Variants in VIPAS39 observed in about 807,000 individuals in gnomAD.
VIPAS39 encodes the protein spermatogenesis-defective protein 39 homolog.
In VIPAS39, 63 loss-of-function variants were observed where a neutral mutation model predicts 84.7. The observed-to-expected ratio is 0.74, with a 90% CI of 0.61 to 0.92. VIPAS39 has a LOEUF of 0.92. Among genes scored for constraint, VIPAS39 ranks in the 40% least tolerant of loss-of-function variants. The pLI is 0.00. For synonymous variants in VIPAS39, 192 were observed against 216.5 expected (o/e 0.89, Z 0.99); for missense variants, 499 against 604.5 (o/e 0.83, Z 1.83).
Position 77,433,950 on chromosome 14 carries a change from G to A in VIPAS39, c.1090-19C>T. 1 of 1,612,308 alleles carries A rather than the reference G, an allele frequency of 6.2e-7. No homozygotes were observed. The highest frequency in any genetic ancestry group is 8.5e-7 in the Non-Finnish European group (1 of 1,178,590). ...CTGGGATCTGGAAAGCAGAGACCGA[G>A]AAAAATTAAGGGGAAGTAGAAATAC... On this transcript the variant is annotated intron_variant, in intron 15 of 19. Transcript: ENST00000557658.
intron 13 of VIPAS39, 37 bp downstream of exon 13, chr14:77,435,807 G>A: frequency 6.2e-7 from 1 of 1,605,748 alleles, no homozygotes; most frequent in Non-Finnish European, 8.5e-7. Context: ...CTGAGCCTTG[G>A]CACTGAAGCA....
At chr14:77,435,753 G>A in intron 13 of VIPAS39, 91 bp downstream of exon 13, 2 of 1,371,918 alleles carry the variant, frequency 1.5e-6, no homozygotes, top group South Asian at 2.3e-5. Flanking sequence ...AGTAAGAAAT[G>A]ACCCACGTGC....
At chr14:77,444,924 T>C (rs114105510) in intron 7 of VIPAS39, among the ~76,000 whole-genome samples, 331 of 150,354 alleles carry the variant, frequency 2.2e-3, no homozygotes, top group African/African-American at 7.7e-3. Context: ...ATAATTTGCA[T>C]ACAGTAAAAC....
At chr14:77,447,046 CTTT>C (rs34819838) in intron 7 of VIPAS39, among the ~76,000 whole-genome samples, 2 of 143,368 alleles carry the variant, frequency 1.4e-5, no homozygotes, top group African/African-American at 5.1e-5. Context: ...CCACACCTGG[CTTT>C]TTTTTTTTTA....
At chr14:77,457,283 A>G in intron 1 of VIPAS39, 1 of 1,535,650 alleles carries the variant, frequency 6.5e-7, no homozygotes, top group Middle Eastern at 1.7e-4. Flanking sequence ...GTTCTGAACC[A>G]AATGTCCGCT....
chr14:77,434,748 A>G (rs1566724736), intron 14 of VIPAS39, among the ~76,000 whole-genome samples: 2 of 151,646 alleles, frequency 1.3e-5, no homozygotes, highest in African/African-American at 2.4e-5. Flanking sequence ...AAAAAAAAAA[A>G]ATTAGCGGGG....
At chr14:77,433,762 A>C in intron 16 of VIPAS39, 80 bp downstream of exon 16, 3 of 1,412,810 alleles carry the variant, frequency 2.1e-6, no homozygotes, top group Non-Finnish European at 2.9e-6. Flanking sequence ...GGAAAAATGT[A>C]AACCGGTAAC....
intron 1 of VIPAS39, among the ~76,000 whole-genome samples, chr14:77,456,006 G>A (rs2078954784): frequency 6.6e-6 from 1 of 152,150 alleles, no homozygotes; most frequent in Non-Finnish European, 1.5e-5. Context: ...TGAGCAAAGT[G>A]GATAAATGAC....
At chr14:77,435,513 C>A in intron 13 of VIPAS39, 120 bp from the exon 14 acceptor site, 1 of 1,387,546 alleles carries the variant, frequency 7.2e-7, no homozygotes. Context: ...AAACAAAGAA[C>A]AGAAAAAGAA....
intron 11 of VIPAS39, among the ~76,000 whole-genome samples, chr14:77,438,449 G>A (rs1247232589): frequency 6.6e-6 from 1 of 152,148 alleles, no homozygotes; most frequent in Admixed American, 6.6e-5. Flanking sequence ...GGCTGGTCTC[G>A]AACTCCAGAC....
At position 77,427,339 on chromosome 14, in the gene VIPAS39, C is replaced by A. The variant is rs974693586; in HGVS notation, c.*277G>T. 6 of 514,960 alleles carry A rather than the reference C, an allele frequency of 1.2e-5. No homozygotes were observed. Among genetic ancestry groups the A allele is most frequent in the African/African-American group, 1.9e-5 (1 of 52,090 alleles). 31.9% of individuals were successfully genotyped at this position (514,960 alleles called of 1,614,324 possible). On this transcript the variant is annotated 3_prime_UTR_variant, in exon 20 of 20. Coordinates refer to ENST00000557658, the MANE Select transcript of VIPAS39 (RefSeq NM_001193315.2). ...TTTCTCAGACCAAGTGAGATCTTAC[C>A]CAGTAGGGGCCCAATCTAGAAATCA...
chr14:77,457,296 C>T, intron 1 of VIPAS39, 199 bp downstream of exon 1: 2 of 1,535,670 alleles, frequency 1.3e-6, no homozygotes, highest in South Asian at 1.2e-5. Context: ...TGTCCGCTTC[C>T]GAACCAATCG....
intron 12 of VIPAS39, among the ~76,000 whole-genome samples, chr14:77,437,193 C>G (rs556810133): frequency 6.6e-6 from 1 of 152,174 alleles, no homozygotes; most frequent in African/African-American, 2.4e-5. Flanking sequence ...GTAGACTCTA[C>G]ACCTGTCTTG....
intron 14 of VIPAS39, among the ~76,000 whole-genome samples, chr14:77,434,878 G>A (rs961894574): frequency 2.0e-5 from 3 of 150,696 alleles, no homozygotes; most frequent in Admixed American, 2.0e-4. Context: ...CAGCCTGGGC[G>A]ACAGAGCAAG....
intron 14 of VIPAS39, among the ~76,000 whole-genome samples, chr14:77,434,565 C>T (rs1463851178): frequency 6.6e-6 from 1 of 152,058 alleles, no homozygotes; most frequent in Non-Finnish European, 1.5e-5. Flanking sequence ...TGCCTGTTAT[C>T]ATGGAATCCA....
At chr14:77,446,460 C>T (rs2078791790) in intron 7 of VIPAS39, among the ~76,000 whole-genome samples, 2 of 152,148 alleles carry the variant, frequency 1.3e-5, no homozygotes. Context: ...CAAGCCACCA[C>T]ACCTGGCATT....
chr14:77,429,838 T>A lies in VIPAS39; in HGVS notation c.1180-71A>T, dbSNP rs192895005. ...AACACATTCTAGGTTAGTCTATGTT[T>A]TACGATCAGACCAGAATAATGTGGT... On this transcript the variant is annotated intron_variant, in intron 16 of 19. Transcript: ENST00000557658. The A allele has an allele frequency of 6.8e-4, 922 of 1,354,332 alleles. 5 individuals carry two copies. In the African/African-American group the frequency reaches 0.012, roughly 17 times the overall value. The allele number at this position is 1,354,332 out of a possible 1,614,324, so 83.9% of individuals were successfully genotyped here.
At chr14:77,446,343 G>A (rs1268026998) in intron 7 of VIPAS39, among the ~76,000 whole-genome samples, 8 of 151,350 alleles carry the variant, frequency 5.3e-5, no homozygotes, top group Admixed American at 2.0e-4. Flanking sequence ...TCGCTCTCTC[G>A]CCCAGGTTGG....
intron 5 of VIPAS39, 72 bp from the exon 6 acceptor site, chr14:77,449,429 T>C: frequency 6.3e-7 from 1 of 1,581,296 alleles, no homozygotes; most frequent in Non-Finnish European, 8.7e-7. Flanking sequence ...CTCTACTTCT[T>C]CGTTCTCACA....
Sources: gnomAD v4.1 joint callset for allele counts (sites outside exome capture counted in the v4.1 genomes callset) on GRCh38, gnomAD v4.1.1 for gene constraint, MANE v1.5 for transcripts, NCBI Gene and HGNC (gene_info 2026-07-23, HGNC 2026-07-21) for gene names.